TTN: variants seen among roughly 807,000 people sequenced by gnomAD.
The protein encoded by TTN is connectin.
A neutral mutation model predicts 3,223.0 loss-of-function variants in TTN; 1,525 were observed. The observed-to-expected ratio is 0.47, with a 90% CI of 0.45 to 0.49. The LOEUF is 0.49. TTN is among the 20% of genes least tolerant of loss of function. The pLI is 0.00. For synonymous variants in TTN, 14,094 were observed against 15,161.0 expected, an observed-to-expected ratio of 0.93 and a Z score of 5.17; for missense variants, 40,786 against 43,424.0, an observed-to-expected ratio of 0.94 and a Z score of 5.40.
rs755492644 is a variant in TTN at position 178,631,212 on chromosome 2, T to C, written c.43836A>G (p.Ala14612=). The change falls in exon 237 of 363, where the codon GCA becomes GCG. Residue 14612 remains alanine, a synonymous_variant. Transcript: ENST00000589042. ...CCTTAAACCATTTCACTGGTGCATC[T>C]GCTTTGCTAATTTCACACTGTAGAA... The part of the protein sequence containing the change: ...EVILQCEISK[A]DAPVKWFKDG... 88 of 1,613,044 alleles carry C rather than the reference T, an allele frequency of 5.5e-5. No homozygotes were observed. Among genetic ancestry groups the C allele is most frequent in the Non-Finnish European group, 7.2e-5 (85 of 1,179,558 alleles).
chr2:178,601,618 T>A, intron 286 of TTN, 40 bp downstream of exon 286: 1 of 1,581,562 alleles, frequency 6.3e-7, no homozygotes, highest in Non-Finnish European at 8.6e-7. Flanking sequence ...TTAAAAATAA[T>A]TTGTTTTTAT....
At chr2:178,785,103 A>G (rs1050059489) in intron 15 of TTN, among the ~76,000 whole-genome samples, 1 of 152,222 alleles carries the variant, frequency 6.6e-6, no homozygotes, top group Admixed American at 6.5e-5. Flanking sequence ...GGGAGAAGAT[A>G]GGGCACTAAT....
rs1370675768 is a variant in TTN, at chr2:178,650,924, C to T, written c.39626-90G>A. 5.2e-6 allele frequency: 7 copies of T among 1,341,132 alleles called. No homozygotes were observed. The South Asian group carries it at 6.3e-5, about 12-fold the overall frequency. The allele number at this position is 1,341,132 out of a possible 1,614,324, so 83.1% of individuals were successfully genotyped here. On this transcript the variant is annotated intron_variant, in intron 208 of 362. Transcript: ENST00000589042. ...CGACTTCACATTTTGCTCAAATAACCCAGGGACAGATCCAAGAACAAATTT... is the reference window on the plus strand; with the variant it reads ...CGACTTCACATTTTGCTCAAATAACTCAGGGACAGATCCAAGAACAAATTT...
intron 72 of TTN, 40 bp from the exon 73 acceptor site, chr2:178,724,183 G>C: frequency 6.3e-7 from 1 of 1,584,692 alleles, no homozygotes; most frequent in Non-Finnish European, 8.6e-7. Context: ...TGATTTGAAA[G>C]AATAGAAGAG....
chr2:178,712,496 C>CGAAATGG lies in TTN; in HGVS notation c.27419_27425dup (p.Val9143HisfsTer19), dbSNP rs760995000. On this transcript the variant is annotated frameshift_variant, in exon 95 of 363. Transcript: ENST00000589042. LOFTEE classifies it high-confidence loss of function. ...TTATGCCATTTTTCTTCCAGGTAAC[C>CGAAATGG]GAAATGGGAGGAGTTCCAGTGAATG... The CGAAATGG allele has an allele frequency of 6.2e-7, 1 of 1,613,678 alleles. No individual in the cohort carries two copies. The highest frequency in any genetic ancestry group is 8.5e-7 in the Non-Finnish European group (1 of 1,179,792).
At chr2:178,640,390 G>T in intron 221 of TTN, 151 bp downstream of exon 221, 2 of 758,340 alleles carry the variant, frequency 2.6e-6, no homozygotes, top group Non-Finnish European at 4.2e-6. Context: ...TTAGCCAATT[G>T]CATAGGAGAG....
Position 178,712,521 on chromosome 2 carries a change from GTA to G in TTN, c.27399_27400del (p.Thr9134IlefsTer25). The stretch of plus-strand genomic sequence containing the variant: ...CGAAATGGGAGGAGTTCCAGTGAAT[GTA>G]CCCTCTAGGATCAGGGGTTTTCCTT... On this transcript the variant is annotated frameshift_variant, in exon 95 of 363. Coordinates refer to ENST00000589042, the MANE Select transcript of TTN (RefSeq NM_001267550.2). LOFTEE classifies it high-confidence loss of function. 1 of 1,613,656 alleles carries G rather than the reference GTA, an allele frequency of 6.2e-7. No individual in the cohort carries two copies. The highest frequency in any genetic ancestry group is 1.3e-5 in the African/African-American group (1 of 75,030).
At chr2:178,736,417 T>C (rs868369652) in intron 49 of TTN, among the ~76,000 whole-genome samples, 1 of 152,182 alleles carries the variant, frequency 6.6e-6, no homozygotes, top group African/African-American at 2.4e-5. Flanking sequence ...ATTAGAAGAT[T>C]ATGTAAGGAA....
At chr2:178,650,077 A>T in intron 210 of TTN, 87 bp downstream of exon 210, 2 of 1,335,428 alleles carry the variant, frequency 1.5e-6, no homozygotes, top group South Asian at 2.7e-5. Context: ...AACAAGATAC[A>T]AGACTGATAT....
chr2:178,714,077 T>C lies in TTN; in HGVS notation c.26581A>G (p.Thr8861Ala), dbSNP rs1432990460. Residue 8861 changes from threonine (T) to alanine (A), a missense_variant, in exon 92 of 363, where the codon ACT becomes GCT. Coordinates refer to ENST00000589042, the MANE Select transcript of TTN (RefSeq NM_001267550.2). ...CTVAGTPELS[T>A]KWFKDGKELT... ...TCTTTTCCATCCTTAAACCACTTAG[T>C]ACTGAGTTCAGGGGTGCCAGCTACT... The C allele has an allele frequency of 6.2e-7, 1 of 1,613,682 alleles. No homozygotes were observed. The highest frequency in any genetic ancestry group is 8.5e-7 in the Non-Finnish European group (1 of 1,179,724).
chr2:178,771,621 G>T (rs1199736105), intron 33 of TTN, 150 bp from the exon 34 acceptor site: 4 of 1,176,504 alleles, frequency 3.4e-6, no homozygotes, highest in Non-Finnish European at 4.8e-6. Context: ...TATTGAGAAG[G>T]TACCAAAGAA....
chr2:178,617,858 G>C lies in TTN; in HGVS notation c.47493C>G (p.Phe15831Leu). Residue 15831 changes from phenylalanine to leucine, a missense_variant, in exon 253 of 363, where the codon TTC becomes TTG. Physicochemically the swap from Phe to Leu is conservative, Grantham distance 22. Transcript: ENST00000589042. ...TDVVEGQEYS[F>L]RVRAQNRIGV... ...CAATTCGATTTTGGGCTCTCACTCG[G>C]AAACTGTACTCCTGTCCTTCTACCA... The C allele has an allele frequency of 1.2e-6, 2 of 1,612,602 alleles. No individual in the cohort carries two copies. Among genetic ancestry groups the C allele is most frequent in the Middle Eastern group, 1.7e-4 (1 of 6,050 alleles).
chr2:178,723,778 T>C, intron 73 of TTN, 78 bp downstream of exon 73: 1 of 1,535,352 alleles, frequency 6.5e-7, no homozygotes, highest in Non-Finnish European at 8.7e-7. Context: ...TAGAGCACTT[T>C]CAAATGTTTG....
chr2:178,676,252 A>G (rs1019946622), intron 147 of TTN: 8 of 323,378 alleles, frequency 2.5e-5, no homozygotes, highest in African/African-American at 1.7e-4. Context: ...TTTTAATGCT[A>G]AAAACCGCAA....
intron 111 of TTN, among the ~76,000 whole-genome samples, chr2:178,699,700 C>T (rs1194411783): frequency 6.9e-6 from 1 of 144,954 alleles, no homozygotes; most frequent in Non-Finnish European, 1.5e-5. Flanking sequence ...CGTGAGCCAC[C>T]GCGCCCAGCC....
At chr2:178,679,809 C>T (rs529386068) in intron 140 of TTN, 85 bp downstream of exon 140, 2 of 1,566,220 alleles carry the variant, frequency 1.3e-6, no homozygotes, top group East Asian at 4.5e-5. Context: ...ATTGGTGCTG[C>T]CAATAACCCC....
chr2:178,532,927 A>G lies in TTN; in HGVS notation c.103688T>C (p.Val34563Ala), dbSNP rs55945684. 1,301 of 1,613,772 alleles carry G rather than the reference A, an allele frequency of 8.1e-4. No homozygotes were observed. The highest frequency in any genetic ancestry group is 9.5e-4 in the Non-Finnish European group (1,125 of 1,179,858). Residue 34563 changes from valine (V) to alanine (A), a missense_variant, in exon 358 of 363, where the codon GTG (valine) becomes GCG (alanine). Physicochemically the swap from Val to Ala is moderately conservative, Grantham distance 64. Transcript: ENST00000589042. ...IEEDQRIKQF[V>A]PMSDMKWYKK... ...ATACCACTTCATGTCAGACATGGGC[A>G]CGAACTGCTTGATGCGTTGGTCTTC...
rs766671126 is a variant in TTN, at chr2:178,767,807, A to G, written c.9423T>C (p.Phe3141=). ...AGGNVSTAKL[F]VEGRDVRIRS... The stretch of plus-strand genomic sequence containing the variant: ...GGATGCGAACATCTCTGCCTTCTAC[A>G]AAGAGTTTTGCAGTTGACACGTTGC... The change falls in exon 40 of 363, where the codon TTT becomes TTC. Residue 3141 remains phenylalanine (F), a synonymous_variant. Transcript: ENST00000589042. The G allele has an allele frequency of 1.7e-5, 28 of 1,614,032 alleles. No homozygotes were observed. Among genetic ancestry groups the G allele is most frequent in the Non-Finnish European group, 2.2e-5 (26 of 1,180,012 alleles).
At chr2:178,786,219 C>A in intron 13 of TTN, 78 bp from the exon 14 acceptor site, 1 of 1,493,224 alleles carries the variant, frequency 6.7e-7, no homozygotes, top group Non-Finnish European at 9.2e-7. Flanking sequence ...TCAGGACAGG[C>A]AGATGGCGTC....
Sources: allele counts gnomAD v4.1 joint callset (sites outside exome capture counted in the v4.1 genomes callset), GRCh38; gene constraint gnomAD v4.1.1; transcripts MANE v1.5; gene names NCBI Gene and HGNC (gene_info 2026-07-23, HGNC 2026-07-21).